The following ANO2 variants were observed in gnomAD, a reference collection of about 807,000 sequenced individuals.
The protein encoded by ANO2 is anoctamin-2.
In ANO2, 101 loss-of-function variants were observed where a neutral mutation model predicts 124.2. That is an observed-to-expected ratio of 0.81 (90% CI 0.69 to 0.96). The LOEUF (loss-of-function observed/expected upper bound fraction) is 0.96, where lower values mean the gene tolerates loss of function less well. ANO2 is among the 40% of genes least tolerant of loss of function. ANO2 has a pLI of 0.00. For synonymous variants in ANO2, 486 were observed against 482.5 expected, an observed-to-expected ratio of 1.01 and a Z score of -0.09; for missense variants, 1,293 against 1,274.5, an observed-to-expected ratio of 1.01 and a Z score of -0.22.
chr12:5,726,091 C>T (rs942231563), intron 14 of ANO2, among the ~76,000 whole-genome samples: 1 of 151,136 alleles, frequency 6.6e-6, no homozygotes, highest in African/African-American at 2.4e-5. Flanking sequence ...AACCTCCAAA[C>T]GTGTCCGGGA....
chr12:5,754,570 T>G (rs1404430306), intron 10 of ANO2, among the ~76,000 whole-genome samples: 1 of 152,190 alleles, frequency 6.6e-6, no homozygotes, highest in Non-Finnish European at 1.5e-5. Context: ...GAGAGTTTTG[T>G]TTTGTTTCAT....
intron 13 of ANO2, 189 bp downstream of exon 13, chr12:5,739,128 G>C: frequency 1.4e-6 from 1 of 697,040 alleles, no homozygotes; most frequent in Non-Finnish European, 2.6e-6. Flanking sequence ...GGGGGTACTT[G>C]AACTCTTGGC....
At position 5,636,529 on chromosome 12, in the gene ANO2, T is replaced by G. The variant is rs1946020093; in HGVS notation, c.1621-1182A>C. ...CAGGACAGAGAATGGGCACTGGCTA[T>G]GAAGGACTAAATAGAAAACGTAGGG... On this transcript the variant is annotated intron_variant, in intron 15 of 24. Transcript: ENST00000682330. The surrounding 1 kb of genome is among the most constrained non-coding windows in gnomAD (Gnocchi z 4.6). Among the ~76,000 whole-genome samples, 2 of 151,692 alleles carry G rather than the reference T, an allele frequency of 1.3e-5. No homozygotes were observed. The highest frequency in any genetic ancestry group is 4.1e-4 in the South Asian group (2 of 4,822).
chr12:5,844,839 GTGTT>G (rs6144597), intron 4 of ANO2, among the ~76,000 whole-genome samples: 2,091 of 150,970 alleles, frequency 0.014, 55 homozygotes, highest in African/African-American at 0.046. Flanking sequence ...CAGTTTTTGT[GTGTT>G]TGTTTGTTTG....
At chr12:5,711,243 A>G (rs1279204390) in intron 14 of ANO2, among the ~76,000 whole-genome samples, 1 of 152,108 alleles carries the variant, frequency 6.6e-6, no homozygotes, top group African/African-American at 2.4e-5. Context: ...TCCCTCAGGA[A>G]TGTCTTGGTG....
At chr12:5,637,630 C>G (rs1166943758) in intron 15 of ANO2, among the ~76,000 whole-genome samples, 1 of 152,112 alleles carries the variant, frequency 6.6e-6, no homozygotes, top group Non-Finnish European at 1.5e-5. Context: ...ACCTACTGAC[C>G]TGGAACCTGC....
intron 14 of ANO2, among the ~76,000 whole-genome samples, chr12:5,706,746 T>C (rs1949626136): frequency 2.0e-5 from 3 of 152,220 alleles, no homozygotes; most frequent in South Asian, 4.1e-4. Flanking sequence ...TATAACCCCA[T>C]GGTCTAGAGC....
intron 4 of ANO2, among the ~76,000 whole-genome samples, chr12:5,841,986 C>T (rs534898398): frequency 2.0e-4 from 31 of 152,290 alleles, no homozygotes; most frequent in African/African-American, 7.2e-4. Context: ...TTTCCCACCT[C>T]GGCCTCCTGA....
intron 14 of ANO2, among the ~76,000 whole-genome samples, chr12:5,708,166 G>T (rs7312461): frequency 1.3e-5 from 2 of 151,254 alleles, no homozygotes; most frequent in Non-Finnish European, 3.0e-5. Flanking sequence ...CCCAGTGAAC[G>T]CTCTCCTGAG....
chr12:5,844,182 G>C (rs1425879795), intron 4 of ANO2, among the ~76,000 whole-genome samples: 2 of 151,656 alleles, frequency 1.3e-5, no homozygotes, highest in Non-Finnish European at 2.9e-5. Flanking sequence ...ATTTGGAAAG[G>C]CTCCAGCCCA....
chr12:5,657,041 G>A (rs1427684184), intron 14 of ANO2, among the ~76,000 whole-genome samples: 1 of 152,170 alleles, frequency 6.6e-6, no homozygotes, highest in East Asian at 1.9e-4. Flanking sequence ...GGATGGAGAA[G>A]GTTGGCAGGG....
At chr12:5,567,061 G>T (rs894790589) in intron 23 of ANO2, among the ~76,000 whole-genome samples, 8 of 152,200 alleles carry the variant, frequency 5.3e-5, no homozygotes, top group Admixed American at 5.2e-4. Context: ...AAAAAAGAGC[G>T]CAGTGATAGA....
intron 19 of ANO2, among the ~76,000 whole-genome samples, 171 bp from the exon 20 acceptor site, chr12:5,599,800 T>G (rs1477861524): frequency 6.6e-6 from 1 of 152,232 alleles, no homozygotes; most frequent in Non-Finnish European, 1.5e-5. Context: ...AAAGGCAACC[T>G]GAGGAAGTCC....
At chr12:5,778,574 A>G (rs1952297120) in intron 10 of ANO2, among the ~76,000 whole-genome samples, 2 of 152,240 alleles carry the variant, frequency 1.3e-5, no homozygotes, top group Admixed American at 1.3e-4. Context: ...ATTCCAATAG[A>G]TGGCATAGCA....
At position 5,872,951 on chromosome 12, in the gene ANO2, G is replaced by C. The variant is rs572915729; in HGVS notation, c.535-18810C>G. Among the ~76,000 whole-genome samples, 6 of 152,252 alleles carry C rather than the reference G, an allele frequency of 3.9e-5. No individual in the cohort carries two copies. The South Asian group carries it at 1.2e-3, about 32-fold the overall frequency. On this transcript the variant is annotated intron_variant, in intron 3 of 24. Coordinates refer to ENST00000682330, the MANE Select transcript of ANO2 (RefSeq NM_001364791.2). ...GATGTGGGAAACACTGCTCCCTGGT[G>C]TACATGTGGCAGGTGCACATATATG...
At chr12:5,937,101 G>A (rs187163497) in intron 1 of ANO2, among the ~76,000 whole-genome samples, 1 of 149,976 alleles carries the variant, frequency 6.7e-6, no homozygotes. Flanking sequence ...TGGGTCATAT[G>A]GTGGTTCCAT....
At chr12:5,889,960 T>G (rs1392817482) in intron 3 of ANO2, among the ~76,000 whole-genome samples, 1 of 152,092 alleles carries the variant, frequency 6.6e-6, no homozygotes, top group Admixed American at 6.5e-5. Context: ...GCAATGTGTC[T>G]GTAGACAAGC....
At chr12:5,801,115 G>C (rs1953024829) in intron 9 of ANO2, among the ~76,000 whole-genome samples, 1 of 152,200 alleles carries the variant, frequency 6.6e-6, no homozygotes, top group Admixed American at 6.5e-5. Context: ...CAGATGAGCA[G>C]TGACCACTGG....
intron 23 of ANO2, among the ~76,000 whole-genome samples, chr12:5,573,733 T>C (rs758161506): frequency 5.3e-5 from 8 of 152,254 alleles, no homozygotes; most frequent in South Asian, 2.1e-4. Context: ...TCTAGGCTAA[T>C]ATAAATTGAC....
Sources: gnomAD v4.1 joint callset for allele counts (sites outside exome capture counted in the v4.1 genomes callset) on GRCh38, gnomAD v4.1.1 for gene constraint, Gnocchi (gnomAD v3.1) non-coding constraint, MANE v1.5 for transcripts, NCBI Gene and HGNC (gene_info 2026-07-23, HGNC 2026-07-21) for gene names.